SLC24A4: variants seen among roughly 807,000 people sequenced by gnomAD.
SLC24A4 encodes sodium/potassium/calcium exchanger 4.
A neutral mutation model predicts 79.0 loss-of-function variants in SLC24A4; 53 were observed. The observed-to-expected ratio is 0.67, with a 90% confidence interval of 0.54 to 0.84. The LOEUF (loss-of-function observed/expected upper bound fraction) is 0.84, where lower values mean the gene tolerates loss of function less well. Among genes scored for constraint, SLC24A4 ranks in the 40% least tolerant of loss-of-function variants. The pLI is 0.00. For missense variants in SLC24A4, 731 were observed against 822.0 expected, an observed-to-expected ratio of 0.89 and a Z score of 1.35; for synonymous variants, 323 against 323.8, an observed-to-expected ratio of 1.00 and a Z score of 0.03.
At chr14:92,420,533 A>G (rs1891220377) in intron 2 of SLC24A4, among the ~76,000 whole-genome samples, 1 of 152,208 alleles carries the variant, frequency 6.6e-6, no homozygotes, top group Non-Finnish European at 1.5e-5. Flanking sequence ...GACAGTCCTA[A>G]GAAACTCTAT....
intron 7 of SLC24A4, among the ~76,000 whole-genome samples, chr14:92,444,431 C>T (rs1892676713): frequency 6.6e-6 from 1 of 152,148 alleles, no homozygotes; most frequent in African/African-American, 2.4e-5. Context: ...TGTGATTTTC[C>T]ACAATAATGA....
intron 2 of SLC24A4, among the ~76,000 whole-genome samples, chr14:92,344,550 T>A (rs897980278): frequency 6.6e-6 from 1 of 152,218 alleles, no homozygotes; most frequent in Non-Finnish European, 1.5e-5. Context: ...GGAGAGTTTC[T>A]GAGCCAAGGA....
At chr14:92,343,625 TTTC>T (rs1279763643) in intron 2 of SLC24A4, among the ~76,000 whole-genome samples, 1 of 142,094 alleles carries the variant, frequency 7.0e-6, no homozygotes, top group African/African-American at 2.6e-5. Context: ...TCTTTCTTTC[TTTC>T]TTTCTTTCTT....
chr14:92,469,647 A>G (rs1303657667), intron 12 of SLC24A4, among the ~76,000 whole-genome samples: 2 of 152,236 alleles, frequency 1.3e-5, no homozygotes, highest in Non-Finnish European at 2.9e-5. Flanking sequence ...CATAATTGCC[A>G]AAAAGTAGAA....
intron 2 of SLC24A4, among the ~76,000 whole-genome samples, chr14:92,338,663 C>T (rs1050089188): frequency 1.3e-5 from 2 of 152,142 alleles, no homozygotes; most frequent in South Asian, 2.1e-4. Flanking sequence ...GCAGATCGCA[C>T]GGCAGCTTGT....
chr14:92,356,884 T>C (rs1887212385), intron 2 of SLC24A4, among the ~76,000 whole-genome samples: 1 of 152,204 alleles, frequency 6.6e-6, no homozygotes, highest in South Asian at 2.1e-4. Context: ...GACCCCCTCA[T>C]GGCACGTGCA....
At chr14:92,348,890 A>G (rs1173401380) in intron 2 of SLC24A4, among the ~76,000 whole-genome samples, 1 of 152,198 alleles carries the variant, frequency 6.6e-6, no homozygotes. Flanking sequence ...TCAGAATGTT[A>G]ACAGGAGAGA....
chr14:92,457,289 ACTG>A (rs555517192), intron 12 of SLC24A4: 981 of 58,726 alleles, frequency 0.017, 16 homozygotes, highest in South Asian at 0.09. Flanking sequence ...CCTAGAACAC[ACTG>A]TCATTCCTAG....
intron 4 of SLC24A4, among the ~76,000 whole-genome samples, chr14:92,439,620 A>G (rs1057208118): frequency 6.6e-6 from 1 of 152,248 alleles, no homozygotes; most frequent in Non-Finnish European, 1.5e-5. Context: ...ACTTGGCAGA[A>G]AAAAACACTC....
At chr14:92,440,300 G>A (rs770608070) in intron 4 of SLC24A4, among the ~76,000 whole-genome samples, 6 of 152,178 alleles carry the variant, frequency 3.9e-5, no homozygotes, top group Non-Finnish European at 7.3e-5. Flanking sequence ...CCATCCAGAC[G>A]CTTGTCAGTG....
chr14:92,456,843 G>C (rs1219530974), intron 12 of SLC24A4, among the ~76,000 whole-genome samples: 2 of 152,240 alleles, frequency 1.3e-5, no homozygotes, highest in Non-Finnish European at 2.9e-5. Context: ...CCTCGGGCCA[G>C]AGAGCAGGGC....
rs190771934 is a variant in SLC24A4, at chr14:92,484,002, G to A, written c.1422+1156G>A. Reference sequence around the variant, plus strand: ...GGATCCTGGATCACATGAGAACAGCGCTGAATCCTAGTCCTACCTCTTGCA... The same window carrying A: ...GGATCCTGGATCACATGAGAACAGCACTGAATCCTAGTCCTACCTCTTGCA... On this transcript the variant is annotated intron_variant, in intron 13 of 16. Transcript: ENST00000532405. The A allele has an allele frequency of 2.8e-3, 2,791 of 985,370 alleles. 3 individuals carry two copies. The highest frequency in any genetic ancestry group is 3.1e-3 in the South Asian group (66 of 21,278). The allele number at this position is 985,370 out of a possible 1,614,324, so 61.0% of individuals were successfully genotyped here.
At chr14:92,352,637 G>A (rs1161926177) in intron 2 of SLC24A4, among the ~76,000 whole-genome samples, 2 of 152,276 alleles carry the variant, frequency 1.3e-5, no homozygotes, top group Non-Finnish European at 2.9e-5. Context: ...CCAGGGCCCC[G>A]AAATACATCG....
Position 92,493,605 on chromosome 14 carries a change from C to T in SLC24A4, c.1846C>T (p.Pro616Ser), listed in dbSNP as rs568108652. 1.2e-6 allele frequency: 2 copies of T among 1,614,100 alleles called. No homozygotes were observed. Among genetic ancestry groups the T allele is most frequent in the Non-Finnish European group, 1.7e-6 (2 of 1,179,992 alleles). ...EFNVFTFVNL[P>S]MCREDD ...TAACGTCTTTACCTTCGTCAACTTG[C>T]CGATGTGCCGGGAAGACGATTAGCG... The change falls in exon 17 of 17, where the codon CCG (proline) becomes TCG (serine). Residue 616 changes from proline (P) to serine (S), a missense_variant. Physicochemically the swap from Pro to Ser is moderately conservative, Grantham distance 74. Coordinates refer to ENST00000532405, the MANE Select transcript of SLC24A4 (RefSeq NM_153646.4).
At chr14:92,449,283 C>A in intron 10 of SLC24A4, 67 bp downstream of exon 10, 22 of 20,638 alleles carry the variant, frequency 1.1e-3, no homozygotes, top group Non-Finnish European at 1.5e-3. Context: ...CTTTTGTGTA[C>A]ACACACACAC....
intron 1 of SLC24A4, 151 bp from the exon 2 acceptor site, chr14:92,325,717 T>G: frequency 1.7e-6 from 1 of 588,990 alleles, no homozygotes; most frequent in Non-Finnish European, 3.1e-6. Context: ...GCAGGTGATA[T>G]TATACTTCCA....
At chr14:92,376,642 C>T (rs757093477) in intron 2 of SLC24A4, among the ~76,000 whole-genome samples, 5 of 152,230 alleles carry the variant, frequency 3.3e-5, no homozygotes, top group South Asian at 2.1e-4. Context: ...CCAGCTGGGG[C>T]AGACAGGTTT....
intron 2 of SLC24A4, among the ~76,000 whole-genome samples, chr14:92,380,346 G>T (rs1888767959): frequency 6.6e-6 from 1 of 152,162 alleles, no homozygotes; most frequent in African/African-American, 2.4e-5. Flanking sequence ...TAATCCCTGG[G>T]GTTTGGTCAG....
rs1459279719 is a variant in SLC24A4 at position 92,441,379 on chromosome 14, A to G, written c.394-710A>G. On this transcript the variant is annotated intron_variant, in intron 4 of 16. Coordinates refer to ENST00000532405, the MANE Select transcript of SLC24A4 (RefSeq NM_153646.4). This position sits in a 1 kb window ranked among gnomAD's most constrained non-coding sequence, Gnocchi z 4.6. ...ACCCGGACAGGCAGAACAGGCCCCAACCATGAGTTCCCGTCCTGTCCCGTG... is the reference window on the plus strand; with the variant it reads ...ACCCGGACAGGCAGAACAGGCCCCAGCCATGAGTTCCCGTCCTGTCCCGTG... Among the ~76,000 whole-genome samples the G allele has an allele frequency of 6.6e-6, 1 of 152,166 alleles. No homozygotes were observed. The highest frequency in any genetic ancestry group is 1.5e-5 in the Non-Finnish European group (1 of 68,024).
Sources: gnomAD v4.1 joint callset for allele counts (sites outside exome capture counted in the v4.1 genomes callset) on GRCh38, gnomAD v4.1.1 for gene constraint, Gnocchi (gnomAD v3.1) non-coding constraint, MANE v1.5 for transcripts, NCBI Gene and HGNC (gene_info 2026-07-23, HGNC 2026-07-21) for gene names.